Variants in ENO1 observed in about 807,000 individuals in gnomAD.
ENO1 encodes alpha-enolase.
In ENO1, 33 loss-of-function variants were observed where a neutral mutation model predicts 46.3. That is an observed-to-expected ratio of 0.71 (90% confidence interval 0.54 to 0.95). The LOEUF (loss-of-function observed/expected upper bound fraction) is 0.95, where lower values mean the gene tolerates loss of function less well. ENO1 is among the 40% of genes least tolerant of loss of function. The pLI is 0.00. For missense variants in ENO1, 488 were observed against 553.3 expected (o/e 0.88, Z 1.18); for synonymous variants, 220 against 216.0 (o/e 1.02, Z -0.16).
rs1642557907 is a variant in ENO1, at chr1:8,867,974, C to T, written c.310+14G>A. Reference sequence around the variant, plus strand: ...TGATCTTCCCCAGTAAAGACGCCACCTCAGGCCACTCACATTTATTTTCTG... The same window carrying T: ...TGATCTTCCCCAGTAAAGACGCCACTTCAGGCCACTCACATTTATTTTCTG... On this transcript the variant is annotated intron_variant, in intron 5 of 11. Coordinates refer to ENST00000234590, the MANE Select transcript of ENO1 (RefSeq NM_001428.5). 6.2e-7 allele frequency: 1 copy of T among 1,613,138 alleles called. No individual in the cohort carries two copies. The highest frequency in any genetic ancestry group is 1.7e-5 in the Admixed American group (1 of 59,934).
At chr1:8,866,715 G>A (rs1390138277) in intron 6 of ENO1, 3 of 604,752 alleles carry the variant, frequency 5.0e-6, no homozygotes, top group Non-Finnish European at 8.7e-6. Context: ...GTCTTGCCTA[G>A]AGGCTGGTCT....
intron 2 of ENO1, among the ~76,000 whole-genome samples, chr1:8,872,662 C>A (rs1294983451): frequency 6.6e-6 from 1 of 152,138 alleles, no homozygotes; most frequent in Non-Finnish European, 1.5e-5. Context: ...GGATTACAGG[C>A]ATGAGCCACC....
intron 3 of ENO1, 134 bp from the exon 4 acceptor site, chr1:8,870,644 TCC>T (rs948426348): frequency 2.7e-6 from 4 of 1,507,272 alleles, no homozygotes; most frequent in Non-Finnish European, 3.5e-6. Flanking sequence ...CTTCCCCCTC[TCC>T]CCTTTCCCCC....
At chr1:8,871,811 C>A in intron 3 of ENO1, 80 bp downstream of exon 3, 2 of 1,486,026 alleles carry the variant, frequency 1.3e-6, no homozygotes, top group Admixed American at 1.8e-5. Flanking sequence ...GCAAGTGCCA[C>A]CCAGAGAGGA....
intron 9 of ENO1, 32 bp downstream of exon 9, chr1:8,863,859 C>T (rs1237541234): frequency 1.1e-5 from 18 of 1,612,276 alleles, no homozygotes; most frequent in Non-Finnish European, 1.4e-5. Flanking sequence ...GCCGTAGCTG[C>T]GGGAAAGCTG....
intron 8 of ENO1, 109 bp downstream of exon 8, chr1:8,865,176 A>G: frequency 7.4e-7 from 1 of 1,359,034 alleles, no homozygotes. Context: ...AAGTTCAGAC[A>G]CTCCCTCCCC....
At chr1:8,877,895 A>T (rs898312531) in intron 1 of ENO1, 1 of 152,018 alleles carries the variant, frequency 6.6e-6, no homozygotes, top group East Asian at 1.9e-4. Flanking sequence ...AAAAAAACCA[A>T]ATCAGATCAG....
At chr1:8,871,608 T>A in intron 3 of ENO1, 2 of 1,221,108 alleles carry the variant, frequency 1.6e-6, no homozygotes, top group Non-Finnish European at 2.1e-6. Context: ...TGGGTTCCTG[T>A]CCTAACCGTG....
rs1642442418 is a variant in ENO1 at position 8,863,272 on chromosome 1, A to C, written c.1139T>G (p.Phe380Cys). 1 of 1,614,002 alleles carries C rather than the reference A, an allele frequency of 6.2e-7. No homozygotes were observed. Among genetic ancestry groups the C allele is most frequent in the African/African-American group, 1.3e-5 (1 of 74,898 alleles). ...SHRSGETEDT[F>C]IADLVVGLCT... ...CAGCCCCACAACCAGGTCAGCGATG[A>C]AGGTATCTTCAGTCTCCCCCGAACG... is the stretch of plus-strand genomic sequence containing the variant. The change falls in exon 10 of 12, where the codon TTC becomes TGC. Residue 380 changes from phenylalanine to cysteine, a missense_variant. Coordinates refer to ENST00000234590, the MANE Select transcript of ENO1 (RefSeq NM_001428.5).
intron 5 of ENO1, 94 bp downstream of exon 5, chr1:8,867,894 T>TCAC: frequency 9.1e-7 from 1 of 1,094,222 alleles, no homozygotes; most frequent in South Asian, 1.4e-5. Flanking sequence ...ATGTAGCTCA[T>TCAC]CACTAAGATC....
intron 10 of ENO1, 37 bp downstream of exon 10, chr1:8,863,198 G>A (rs1642440453): frequency 6.2e-7 from 1 of 1,609,036 alleles, no homozygotes. Flanking sequence ...CTAGGAAGTT[G>A]AGGTCAGAGA....
rs760635870 is a variant in ENO1, at chr1:8,867,139, G to C, written c.422C>G (p.Ser141Cys). 4.3e-6 allele frequency: 7 copies of C among 1,614,136 alleles called. No homozygotes were observed. The highest frequency in any genetic ancestry group is 5.9e-6 in the Non-Finnish European group (7 of 1,179,996). ...YRHIADLAGN[S>C]EVILPVPAFN... ...CACCGGGACTGGCAGGATGACTTCA[G>C]AGTTGCCAGCCAAGTCAGCGATGTG... Residue 141 changes from serine to cysteine, a missense_variant, in exon 6 of 12, where the codon TCT becomes TGT. Physicochemically the swap from Ser to Cys is moderately radical, Grantham distance 112. Coordinates refer to ENST00000234590, the MANE Select transcript of ENO1 (RefSeq NM_001428.5).
intron 8 of ENO1, among the ~76,000 whole-genome samples, chr1:8,864,632 G>A (rs1273666718): frequency 2.6e-5 from 4 of 152,178 alleles, no homozygotes. Flanking sequence ...AGACCTGTAA[G>A]AAGAGGACAC....
intron 2 of ENO1, chr1:8,873,961 A>C (rs1198108818): frequency 6.6e-6 from 1 of 152,194 alleles, no homozygotes; most frequent in Non-Finnish European, 1.5e-5. Context: ...AATTTTTCAT[A>C]AGAAAACTCC....
Position 8,866,327 on chromosome 1 carries a change from C to T in ENO1, c.619G>A (p.Val207Met), listed in dbSNP as rs1253918735. 3 of 1,614,022 alleles carry T rather than the reference C, an allele frequency of 1.9e-6. No homozygotes were observed. Among genetic ancestry groups the T allele is most frequent in the African/African-American group, 2.7e-5 (2 of 74,910 alleles). The change falls in exon 7 of 12, where the codon GTG becomes ATG. Residue 207 changes from valine to methionine, a missense_variant. Physicochemically the swap from Val to Met is conservative, Grantham distance 21. Transcript: ENST00000234590. ...KEKYGKDATNVGDEGGFAPNI... is the reference protein window; with the variant it reads ...KEKYGKDATNMGDEGGFAPNI... The stretch of plus-strand genomic sequence containing the variant: ...GGAGCAAACCCGCCTTCATCCCCCA[C>T]ATTGGTGGCATCTTTCCCATATTTC...
Position 8,861,413 on chromosome 1 carries a change from C to T in ENO1, c.1252G>A (p.Gly418Ser). 6.2e-7 allele frequency: 1 copy of T among 1,613,998 alleles called. No homozygotes were observed. Among genetic ancestry groups the T allele is most frequent in the Non-Finnish European group, 8.5e-7 (1 of 1,179,994 alleles). The part of the protein sequence containing the change: ...NQLLRIEEEL[G>S]SKAKFAGRNF... Reference sequence around the variant, plus strand: ...CTGCCGGCAAACTTAGCCTTGCTGCCCAGCTCCTCTTCAATTCTTGGGAAG... The same window carrying T: ...CTGCCGGCAAACTTAGCCTTGCTGCTCAGCTCCTCTTCAATTCTTGGGAAG... The change falls in exon 12 of 12, where the codon GGC becomes AGC. Residue 418 changes from glycine (G) to serine (S), a missense_variant. By Grantham distance (56) the Gly-to-Ser change is moderately conservative. Transcript: ENST00000234590.
rs750236938 is a variant in ENO1, at chr1:8,874,897, G to C, written c.12C>G (p.Leu4=). 5 of 1,613,722 alleles carry C rather than the reference G, an allele frequency of 3.1e-6. No homozygotes were observed. Among genetic ancestry groups the C allele is most frequent in the African/African-American group, 1.3e-5 (1 of 74,922 alleles). MSI[L]KIHAREIFDS... ...CAAAGATCTCCCTGGCATGGATCTT[G>C]AGAATAGACATGGTGAACTTCTGTA... is the stretch of plus-strand genomic sequence containing the variant. The change falls in exon 2 of 12, where the codon CTC becomes CTG. Residue 4 remains leucine, a synonymous_variant. Transcript: ENST00000234590.
chr1:8,864,411 C>T (rs1363881300), intron 8 of ENO1, among the ~76,000 whole-genome samples: 6 of 152,194 alleles, frequency 3.9e-5, no homozygotes, highest in Non-Finnish European at 7.3e-5. Flanking sequence ...AATGATCCTC[C>T]CACCTCAGCT....
chr1:8,866,703 T>C, intron 6 of ENO1: 1 of 613,272 alleles, frequency 1.6e-6, no homozygotes, highest in South Asian at 2.0e-5. Context: ...TTCACTATAC[T>C]GGTCTTGCCT....
Sources: gnomAD v4.1 joint callset for allele counts (sites outside exome capture counted in the v4.1 genomes callset) on GRCh38, gnomAD v4.1.1 for gene constraint, MANE v1.5 for transcripts, NCBI Gene and HGNC (gene_info 2026-07-23, HGNC 2026-07-21) for gene names.